SCLT1: variants seen among roughly 807,000 people sequenced by gnomAD.
The protein encoded by SCLT1 is sodium channel-associated protein 1.
In SCLT1, 78 loss-of-function variants were observed where a neutral mutation model predicts 112.8. The ratio of observed to expected loss-of-function variants is 0.69; its 90% confidence interval spans 0.58 to 0.83. The LOEUF is 0.83. SCLT1 is among the 40% of genes least tolerant of loss of function. The pLI is 0.00. For synonymous variants in SCLT1, 257 were observed against 254.7 expected, an observed-to-expected ratio of 1.01 and a Z score of -0.09; for missense variants, 747 against 770.4, an observed-to-expected ratio of 0.97 and a Z score of 0.36.
chr4:128,909,088 G>A lies in SCLT1; in HGVS notation c.1830-17951C>T, dbSNP rs911450144. Among the ~76,000 whole-genome samples, 4 of 151,900 alleles carry A rather than the reference G, an allele frequency of 2.6e-5. No homozygotes were observed. In the East Asian group the frequency reaches 5.8e-4, roughly 22 times the overall value. ...ATACTGATTGTATTACTGCTTTGGC[G>A]GTCTTTGAACTAGCTGTTCTCTTTG... On this transcript the variant is annotated intron_variant, in intron 18 of 20. Coordinates refer to ENST00000281142, the MANE Select transcript of SCLT1 (RefSeq NM_144643.4).
At chr4:129,009,519 GAAAA>G (rs75119229) in intron 5 of SCLT1, among the ~76,000 whole-genome samples, 1 of 92,922 alleles carries the variant, frequency 1.1e-5, no homozygotes, top group Non-Finnish European at 2.3e-5. Context: ...GTCTCAAAAA[GAAAA>G]AAAAAAAAAA....
chr4:128,895,724 G>A (rs192795853), intron 18 of SCLT1, among the ~76,000 whole-genome samples: 5 of 152,328 alleles, frequency 3.3e-5, no homozygotes, highest in East Asian at 3.9e-4. Context: ...AGCATGAGCC[G>A]AAGCAGGGCG....
At position 128,970,380 on chromosome 4, in the gene SCLT1, TC is replaced by T. The variant is rs772091536; in HGVS notation, c.774del (p.Lys259ArgfsTer26). 2 of 1,554,256 alleles carry T rather than the reference TC, an allele frequency of 1.3e-6. No homozygotes were observed. The highest frequency in any genetic ancestry group is 1.8e-6 in the Non-Finnish European group (2 of 1,126,884). ...VTEDLQGQMK[K>X]KEKDVVSAHG... ...TTTGTCTTAGAAATAGAAAATACCT[TC>T]TTTTTCATCTGTCCCTGCAGATCTT... On this transcript the variant is annotated frameshift_variant, in exon 10 of 21. Transcript: ENST00000281142. LOFTEE classifies it high-confidence loss of function.
downstream of SCLT1, among the ~76,000 whole-genome samples, chr4:128,883,697 C>T (rs952217382): frequency 6.6e-6 from 1 of 152,184 alleles, no homozygotes; most frequent in Non-Finnish European, 1.5e-5. Context: ...TGGACAACTG[C>T]AGCAGTCTCC....
intron 18 of SCLT1, among the ~76,000 whole-genome samples, chr4:128,907,772 T>A (rs1233269166): frequency 6.6e-6 from 1 of 152,208 alleles, no homozygotes; most frequent in Non-Finnish European, 1.5e-5. Context: ...ACTAATTGTA[T>A]TTTAATTGTG....
chr4:128,975,007 T>C (rs1741020053), intron 9 of SCLT1, among the ~76,000 whole-genome samples: 1 of 151,032 alleles, frequency 6.6e-6, no homozygotes, highest in Non-Finnish European at 1.5e-5. Context: ...TATTACTTCA[T>C]TTCTTATGAT....
At chr4:128,899,886 C>A (rs1734122625) in intron 18 of SCLT1, among the ~76,000 whole-genome samples, 1 of 152,100 alleles carries the variant, frequency 6.6e-6, no homozygotes, top group African/African-American at 2.4e-5. Context: ...CAATAACAGA[C>A]AAACAGAGAG....
At chr4:128,918,783 T>C (rs1735661928) in intron 18 of SCLT1, among the ~76,000 whole-genome samples, 1 of 152,016 alleles carries the variant, frequency 6.6e-6, no homozygotes. Flanking sequence ...CTATTCTAAT[T>C]TCAGACAAAA....
Position 128,950,977 on chromosome 4 carries a change from C to T in SCLT1, c.1218+1792G>A, listed in dbSNP as rs561759508. 5.4e-4 allele frequency among the ~76,000 whole-genome samples: 82 copies of T among 152,156 alleles called. No homozygotes were observed. The South Asian group carries it at 0.016, about 29-fold the overall frequency. On this transcript the variant is annotated intron_variant, in intron 14 of 20. Coordinates refer to ENST00000281142, the MANE Select transcript of SCLT1 (RefSeq NM_144643.4). Reference sequence around the variant, plus strand: ...TATGTAGCTTGAAATGTAATGGCTCCGGCTTTTTCTTAATCTATTAAATAA... The same window carrying T: ...TATGTAGCTTGAAATGTAATGGCTCTGGCTTTTTCTTAATCTATTAAATAA...
Position 129,026,616 on chromosome 4 carries a change from C to G in SCLT1, c.290+12425G>C, listed in dbSNP as rs188512028. 6.4e-3 allele frequency among the ~76,000 whole-genome samples: 973 copies of G among 152,164 alleles called. 5 individuals carry two copies. Among genetic ancestry groups the G allele is most frequent in the South Asian group, 0.011 (52 of 4,830 alleles). On this transcript the variant is annotated intron_variant, in intron 5 of 20. Coordinates refer to ENST00000281142, the MANE Select transcript of SCLT1 (RefSeq NM_144643.4). Reference sequence around the variant, plus strand: ...GAAAGCAGGAAAGATCCAAAATTGACACCCTAACATCATAATTAAAAGAAC... The same window carrying G: ...GAAAGCAGGAAAGATCCAAAATTGAGACCCTAACATCATAATTAAAAGAAC...
intron 2 of SCLT1, among the ~76,000 whole-genome samples, chr4:129,048,449 C>T (rs1427345004): frequency 1.3e-5 from 2 of 149,790 alleles, no homozygotes; most frequent in African/African-American, 4.8e-5. Flanking sequence ...AAACTGGATC[C>T]CTTCCTTACA....
At chr4:128,883,209 G>C (rs1048079946), downstream of SCLT1, among the ~76,000 whole-genome samples, 35 of 151,080 alleles carry the variant, frequency 2.3e-4, 1 homozygote, top group African/African-American at 7.8e-4. Flanking sequence ...TATTGGGAGG[G>C]AGGATTATAT....
intron 18 of SCLT1, among the ~76,000 whole-genome samples, chr4:128,892,107 C>A (rs1265504751): frequency 6.6e-6 from 1 of 152,174 alleles, no homozygotes; most frequent in Non-Finnish European, 1.5e-5. Context: ...TCATTCATAT[C>A]ATTTATGCTT....
chr4:129,023,721 G>A (rs1745716244), intron 5 of SCLT1, among the ~76,000 whole-genome samples: 1 of 152,204 alleles, frequency 6.6e-6, no homozygotes, highest in South Asian at 2.1e-4. Flanking sequence ...TGTGCGAGCT[G>A]AAGCAGGGCG....
intron 2 of SCLT1, among the ~76,000 whole-genome samples, chr4:129,062,679 C>A (rs1223437836): frequency 6.6e-6 from 1 of 151,508 alleles, no homozygotes; most frequent in Non-Finnish European, 1.5e-5. Flanking sequence ...TCTTGGTTGA[C>A]TTTTTTTTTC....
intron 5 of SCLT1, among the ~76,000 whole-genome samples, chr4:129,023,598 C>T (rs1009668663): frequency 2.0e-5 from 3 of 152,186 alleles, no homozygotes; most frequent in Admixed American, 6.5e-5. Context: ...CTACAGCTCC[C>T]AGCGTGAGCA....
At chr4:129,017,349 CTTG>C (rs910766759) in intron 5 of SCLT1, among the ~76,000 whole-genome samples, 36 of 152,012 alleles carry the variant, frequency 2.4e-4, no homozygotes, top group African/African-American at 8.7e-4. Context: ...CATAATCAAA[CTTG>C]TTATTTGCTC....
chr4:128,899,862 G>C (rs1734120166), intron 18 of SCLT1, among the ~76,000 whole-genome samples: 1 of 152,144 alleles, frequency 6.6e-6, no homozygotes. Context: ...AAAATCACAA[G>C]AATTCTTATA....
At chr4:129,053,304 G>T (rs530076689) in intron 2 of SCLT1, among the ~76,000 whole-genome samples, 2 of 151,998 alleles carry the variant, frequency 1.3e-5, no homozygotes, top group African/African-American at 4.8e-5. Flanking sequence ...CTGTCTTATC[G>T]ATCTGTCTAA....
Sources: allele counts gnomAD v4.1 joint callset (sites outside exome capture counted in the v4.1 genomes callset), GRCh38; gene constraint gnomAD v4.1.1; transcripts MANE v1.5; gene names NCBI Gene and HGNC (gene_info 2026-07-23, HGNC 2026-07-21).